The following PTPN4 variants were observed in gnomAD, a reference collection of about 807,000 sequenced individuals.
PTPN4 encodes the protein protein tyrosine phosphatase non-receptor type 4.
In PTPN4, 49 loss-of-function variants were observed where a neutral mutation model predicts 135.5. That is an observed-to-expected ratio of 0.36 (90% CI 0.29 to 0.46). The LOEUF (loss-of-function observed/expected upper bound fraction) is 0.46. PTPN4 is among the 20% of genes least tolerant of loss of function. The pLI, the probability that PTPN4 is intolerant of heterozygous loss-of-function variation, is 1.00. For synonymous variants in PTPN4, 333 were observed against 369.9 expected, an observed-to-expected ratio of 0.90 and a Z score of 1.14; for missense variants, 860 against 1,101.0, an observed-to-expected ratio of 0.78 and a Z score of 3.10.
intron 9 of PTPN4, among the ~76,000 whole-genome samples, chr2:119,898,542 A>G (rs774172305): frequency 7.9e-5 from 12 of 152,338 alleles, no homozygotes; most frequent in Non-Finnish European, 1.8e-4. Context: ...TTCAATGCCT[A>G]CGAGGTACTT....
chr2:119,885,938 A>G, intron 9 of PTPN4, 56 bp downstream of exon 9: 4 of 1,179,894 alleles, frequency 3.4e-6, no homozygotes, highest in South Asian at 3.5e-5. Flanking sequence ...TACTCAATAT[A>G]ACATTTTTTA....
chr2:119,942,505 G>T (rs940627483), intron 15 of PTPN4, among the ~76,000 whole-genome samples: 1 of 152,070 alleles, frequency 6.6e-6, no homozygotes, highest in Admixed American at 6.6e-5. Flanking sequence ...TTTCCCACAG[G>T]CTTTTAGTTT....
At position 119,977,127 on chromosome 2, in the gene PTPN4, T is replaced by C. The variant is rs528360104; in HGVS notation, c.*57T>C. On this transcript the variant is annotated 3_prime_UTR_variant, in exon 27 of 27. Transcript: ENST00000263708. ...AAACTGCTTTCCCTTATGTTCACTGTGCCATAATGCTGCTCGCAGGAAATG... is the reference window on the plus strand; with the variant it reads ...AAACTGCTTTCCCTTATGTTCACTGCGCCATAATGCTGCTCGCAGGAAATG... 7 of 1,488,610 alleles carry C rather than the reference T, an allele frequency of 4.7e-6. No individual in the cohort carries two copies. Among genetic ancestry groups the C allele is most frequent in the East Asian group, 5.0e-5 (2 of 40,318 alleles). 92.2% of individuals were successfully genotyped at this position (1,488,610 alleles called of 1,614,324 possible).
At chr2:119,845,544 C>T (rs1677484833) in intron 2 of PTPN4, among the ~76,000 whole-genome samples, 1 of 151,970 alleles carries the variant, frequency 6.6e-6, no homozygotes, top group Non-Finnish European at 1.5e-5. Context: ...TCTTTTTTCC[C>T]CTTGTAACTT....
At chr2:119,892,720 C>CTTCT (rs1312418024) in intron 9 of PTPN4, among the ~76,000 whole-genome samples, 44 of 145,826 alleles carry the variant, frequency 3.0e-4, no homozygotes, top group African/African-American at 1.1e-3. Context: ...TTTTTTTTTC[C>CTTCT]TTCTTTCTTT....
In PTPN4 at chr2:119,857,490, C is replaced by T. The variant is rs181484317; in HGVS notation, c.139-5046C>T. Among the ~76,000 whole-genome samples, 111 of 151,026 alleles carry T rather than the reference C, an allele frequency of 7.3e-4. 1 individual carries two copies. The East Asian group carries it at 0.016, about 21-fold the overall frequency. ...TGGAGGTTGCAGTGAGCCGAGATCA[C>T]ACCACTGCACTCCAGCCTGGGTGAC... is the stretch of plus-strand genomic sequence containing the variant. On this transcript the variant is annotated intron_variant, in intron 2 of 26. Transcript: ENST00000263708.
intron 15 of PTPN4, among the ~76,000 whole-genome samples, chr2:119,940,228 G>T (rs772736615): frequency 6.6e-6 from 1 of 152,132 alleles, no homozygotes; most frequent in Non-Finnish European, 1.5e-5. Context: ...TGCCTTGTGC[G>T]TTAATTGGTA....
At chr2:119,949,576 C>T (rs554208379) in intron 18 of PTPN4, among the ~76,000 whole-genome samples, 5 of 152,238 alleles carry the variant, frequency 3.3e-5, no homozygotes, top group Admixed American at 2.0e-4. Context: ...GTGTGATGCT[C>T]ATGCCTATAA....
chr2:119,844,335 C>T lies in PTPN4; in HGVS notation c.139-18201C>T, dbSNP rs1320509959. Among the ~76,000 whole-genome samples the T allele has an allele frequency of 1.3e-4, 12 of 92,552 alleles. No homozygotes were observed. In the East Asian group the frequency reaches 2.4e-3, roughly 18 times the overall value. 60.7% of individuals were successfully genotyped at this position (92,552 alleles called of 152,430 possible). A position where few individuals can be genotyped will look rare whatever the true frequency, so the allele number is the denominator to read the frequency against. On this transcript the variant is annotated intron_variant, in intron 2 of 26. Transcript: ENST00000263708. ...CGGCTGGCCGGACGGGGCGGCTGGC[C>T]GGGCGGGGGGCTGACCCCCCCCCCC... is the stretch of plus-strand genomic sequence containing the variant.
chr2:119,859,588 G>A (rs1227988413), intron 2 of PTPN4, among the ~76,000 whole-genome samples: 1 of 152,184 alleles, frequency 6.6e-6, no homozygotes, highest in Non-Finnish European at 1.5e-5. Flanking sequence ...TGTGATGATA[G>A]CAGTGGAAGT....
intron 9 of PTPN4, among the ~76,000 whole-genome samples, chr2:119,898,262 A>T (rs186773357): frequency 6.6e-6 from 1 of 152,358 alleles, no homozygotes; most frequent in Admixed American, 6.5e-5. Context: ...GAGAAGATGG[A>T]TGTAAGCTAG....
At chr2:119,925,339 C>T (rs1678807748) in intron 12 of PTPN4, among the ~76,000 whole-genome samples, 1 of 152,182 alleles carries the variant, frequency 6.6e-6, no homozygotes, top group African/African-American at 2.4e-5. Flanking sequence ...ACATAGGGCA[C>T]AGGACAGGAC....
chr2:119,934,635 T>C (rs548549850), intron 14 of PTPN4, among the ~76,000 whole-genome samples, 165 bp from the exon 15 acceptor site: 2 of 152,338 alleles, frequency 1.3e-5, no homozygotes, highest in South Asian at 4.1e-4. Flanking sequence ...CTTCCCATTC[T>C]CTGTTCCCTC....
At chr2:119,875,616 C>A (rs1242096612) in intron 3 of PTPN4, among the ~76,000 whole-genome samples, 1 of 152,174 alleles carries the variant, frequency 6.6e-6, no homozygotes, top group Non-Finnish European at 1.5e-5. Flanking sequence ...ACCCTACCCC[C>A]AGCTATTGAG....
At chr2:119,915,062 GTATA>G in intron 10 of PTPN4, 113 bp from the exon 11 acceptor site, 1 of 828,132 alleles carries the variant, frequency 1.2e-6, no homozygotes, top group South Asian at 2.4e-5. Flanking sequence ...CTATGTGTAT[GTATA>G]TATGATAAAA....
At chr2:119,775,454 G>T (rs1045328262) in intron 1 of PTPN4, among the ~76,000 whole-genome samples, 19 of 152,220 alleles carry the variant, frequency 1.2e-4, no homozygotes, top group African/African-American at 4.3e-4. Flanking sequence ...CTGGCCACCC[G>T]GAACCCTGTG....
At chr2:119,882,719 A>T in intron 8 of PTPN4, 96 bp downstream of exon 8, 1 of 1,035,164 alleles carries the variant, frequency 9.7e-7, no homozygotes, top group Non-Finnish European at 1.3e-6. Context: ...TATTTAATAT[A>T]GAACAATTAC....
At chr2:119,775,449 C>A (rs1306766344) in intron 1 of PTPN4, among the ~76,000 whole-genome samples, 1 of 152,180 alleles carries the variant, frequency 6.6e-6, no homozygotes, top group African/African-American at 2.4e-5. Context: ...TGCCGCTGGC[C>A]ACCCGGAACC....
At chr2:119,823,832 G>T (rs934460274) in intron 2 of PTPN4, among the ~76,000 whole-genome samples, 1 of 152,064 alleles carries the variant, frequency 6.6e-6, no homozygotes, top group African/African-American at 2.4e-5. Context: ...GACTTCCCTC[G>T]CTAGCTTAGA....
Sources: gnomAD v4.1 joint callset for allele counts (sites outside exome capture counted in the v4.1 genomes callset) on GRCh38, gnomAD v4.1.1 for gene constraint, MANE v1.5 for transcripts, NCBI Gene and HGNC (gene_info 2026-07-23, HGNC 2026-07-21) for gene names.